The following PTPRD variants were observed in gnomAD, a reference collection of about 807,000 sequenced individuals.
PTPRD encodes protein tyrosine phosphatase receptor type D, also known as receptor-type tyrosine-protein phosphatase delta.
A neutral mutation model predicts 214.5 loss-of-function variants in PTPRD; 34 were observed. The ratio of observed to expected loss-of-function variants is 0.16; its 90% CI spans 0.12 to 0.21. The LOEUF is 0.21. Ranked by LOEUF, PTPRD falls within the 10% of genes least tolerant of loss-of-function variation. The probability of loss-of-function intolerance (pLI) is 1.00; values close to 1 mark genes in which losing one functional copy is unlikely to be tolerated. For missense variants in PTPRD, 2,545 were observed against 2,398.7 expected, an observed-to-expected ratio of 1.06 and a Z score of -1.27; for synonymous variants, 1,128 against 845.7, an observed-to-expected ratio of 1.33 and a Z score of -5.79.
chr9:9,534,397 C>T (rs1159403014), intron 8 of PTPRD, among the ~76,000 whole-genome samples: 1 of 152,042 alleles, frequency 6.6e-6, no homozygotes, highest in Non-Finnish European at 1.5e-5. Context: ...GAGGTAAAAT[C>T]TCTCACGCCC....
At chr9:8,604,814 C>T (rs977616651) in intron 14 of PTPRD, among the ~76,000 whole-genome samples, 4 of 151,944 alleles carry the variant, frequency 2.6e-5, no homozygotes, top group Non-Finnish European at 5.9e-5. Flanking sequence ...TATGATGATG[C>T]CATTAACTGA....
At chr9:8,582,876 T>C (rs894338789) in intron 14 of PTPRD, among the ~76,000 whole-genome samples, 1 of 152,272 alleles carries the variant, frequency 6.6e-6, no homozygotes. Context: ...AATTCAGCAA[T>C]TGGATGTTAA....
At chr9:9,584,724 C>T (rs2091609170) in intron 7 of PTPRD, among the ~76,000 whole-genome samples, 1 of 151,918 alleles carries the variant, frequency 6.6e-6, no homozygotes. Flanking sequence ...TCCTGAATTA[C>T]CATGCACCCT....
At chr9:10,468,401 T>A (rs549190402) in intron 2 of PTPRD, among the ~76,000 whole-genome samples, 1 of 151,982 alleles carries the variant, frequency 6.6e-6, no homozygotes, top group East Asian at 1.9e-4. Flanking sequence ...GACACAGGAA[T>A]AGAAAACCAA....
intron 3 of PTPRD, among the ~76,000 whole-genome samples, chr9:10,246,195 T>C (rs550063787): frequency 6.6e-6 from 1 of 152,268 alleles, no homozygotes; most frequent in East Asian, 1.9e-4. Context: ...AAAGTATGAG[T>C]CTCTGTATTC....
chr9:10,201,930 C>A (rs912807387), intron 3 of PTPRD, among the ~76,000 whole-genome samples: 1 of 151,502 alleles, frequency 6.6e-6, no homozygotes, highest in Admixed American at 6.6e-5. Context: ...TTTCTACGTT[C>A]TCCAAGTTTT....
At position 9,091,004 on chromosome 9, in the gene PTPRD, T is replaced by A; in HGVS notation, c.-142-72269A>T. Reference sequence around the variant, plus strand: ...CGATGCATGCCCAAGGACAAGGCCATTAAGAAATTCGTCATTCGAAACATA... The same window carrying A: ...CGATGCATGCCCAAGGACAAGGCCAATAAGAAATTCGTCATTCGAAACATA... On this transcript the variant is annotated intron_variant, in intron 10 of 45. Coordinates refer to ENST00000381196, the MANE Select transcript of PTPRD (RefSeq NM_002839.4). 5.1e-6 allele frequency: 8 copies of A among 1,572,374 alleles called. No individual in the cohort carries two copies. The South Asian group carries it at 7.7e-5, about 15-fold the overall frequency.
At chr9:10,197,886 G>C (rs2099404151) in intron 3 of PTPRD, among the ~76,000 whole-genome samples, 1 of 152,012 alleles carries the variant, frequency 6.6e-6, no homozygotes, top group South Asian at 2.1e-4. Context: ...CCCAAAAATA[G>C]CTTTCAGATA....
chr9:8,665,571 C>A (rs1192433758), intron 12 of PTPRD, among the ~76,000 whole-genome samples: 1 of 152,188 alleles, frequency 6.6e-6, no homozygotes, highest in Non-Finnish European at 1.5e-5. Flanking sequence ...TATTATTAGA[C>A]ATTCATTCTA....
At chr9:10,127,466 A>T (rs2098828443) in intron 3 of PTPRD, among the ~76,000 whole-genome samples, 1 of 152,184 alleles carries the variant, frequency 6.6e-6, no homozygotes, top group African/African-American at 2.4e-5. Flanking sequence ...ACAGACATAT[A>T]ATAAAGAAGA....
chr9:9,271,501 C>G (rs1452469449), intron 9 of PTPRD, among the ~76,000 whole-genome samples: 1 of 151,260 alleles, frequency 6.6e-6, no homozygotes, highest in African/African-American at 2.4e-5. Flanking sequence ...GGTAAAAAAT[C>G]CATTTAAAAC....
intron 11 of PTPRD, among the ~76,000 whole-genome samples, chr9:8,792,825 A>C (rs1323048621): frequency 1.3e-5 from 2 of 151,740 alleles, no homozygotes; most frequent in Non-Finnish European, 2.9e-5. Flanking sequence ...ATTTCTCTCC[A>C]TTCTTCTCTC....
At chr9:9,552,897 A>G (rs1334457089) in intron 8 of PTPRD, among the ~76,000 whole-genome samples, 1 of 152,108 alleles carries the variant, frequency 6.6e-6, no homozygotes, top group Non-Finnish European at 1.5e-5. Context: ...GACATGGATC[A>G]CAGACAAGCT....
At chr9:9,102,595 G>A (rs561255746) in intron 10 of PTPRD, among the ~76,000 whole-genome samples, 13 of 152,318 alleles carry the variant, frequency 8.5e-5, no homozygotes, top group South Asian at 8.3e-4. Context: ...TGAAAGATTC[G>A]CTTTCCCACC....
At chr9:10,086,451 G>T (rs534485350) in intron 3 of PTPRD, among the ~76,000 whole-genome samples, 1 of 151,658 alleles carries the variant, frequency 6.6e-6, no homozygotes, top group Non-Finnish European at 1.5e-5. Context: ...TCAAACTATT[G>T]CCTGTCTCAG....
chr9:9,509,047 T>C (rs2096637097), intron 8 of PTPRD, among the ~76,000 whole-genome samples: 1 of 151,284 alleles, frequency 6.6e-6, no homozygotes, highest in Non-Finnish European at 1.5e-5. Context: ...GAAAAAAAAA[T>C]CTTATAAATT....
intron 3 of PTPRD, among the ~76,000 whole-genome samples, chr9:10,152,561 C>T (rs965397977): frequency 2.0e-5 from 3 of 152,126 alleles, no homozygotes; most frequent in Non-Finnish European, 2.9e-5. Context: ...TGTGGTGGCT[C>T]ACGCTTGTAA....
chr9:9,399,513 C>A (rs570335798), intron 8 of PTPRD, among the ~76,000 whole-genome samples: 2 of 152,152 alleles, frequency 1.3e-5, no homozygotes, highest in East Asian at 3.9e-4. Flanking sequence ...ATTTTCCCCT[C>A]CAAAGGTCAA....
At position 9,055,067 on chromosome 9, in the gene PTPRD, T is replaced by C. The variant is rs551432016; in HGVS notation, c.-142-36332A>G. Among the ~76,000 whole-genome samples the C allele has an allele frequency of 1.6e-4, 24 of 152,298 alleles. No homozygotes were observed. The South Asian group carries it at 2.9e-3, about 18-fold the overall frequency. ...CATTGCTGGTGACAGTAGATATTGG[T>C]GCAGCTATATGGAAGAGTAATTTGG... On this transcript the variant is annotated intron_variant, in intron 10 of 45. Transcript: ENST00000381196.
Sources: gnomAD v4.1 joint callset for allele counts (sites outside exome capture counted in the v4.1 genomes callset) on GRCh38, gnomAD v4.1.1 for gene constraint, MANE v1.5 for transcripts, NCBI Gene and HGNC (gene_info 2026-07-23, HGNC 2026-07-21) for gene names.